Variants in SLC25A21 observed in about 807,000 individuals in gnomAD.
SLC25A21 encodes solute carrier family 25 member 21, also known as mitochondrial 2-oxodicarboxylate carrier.
Under a neutral mutation model 43.8 loss-of-function variants are expected in SLC25A21, and 47 were observed. The observed-to-expected ratio is 1.07, with a 90% CI of 0.85 to 1.37. The LOEUF is 1.37. Among genes scored for constraint, SLC25A21 ranks in the 40% most tolerant of loss-of-function variants. The pLI is 0.00. For missense variants in SLC25A21, 352 were observed against 350.2 expected, an observed-to-expected ratio of 1.00 and a Z score of -0.04; for synonymous variants, 131 against 121.3, an observed-to-expected ratio of 1.08 and a Z score of -0.52.
chr14:36,916,010 A>G (rs1189733055), intron 1 of SLC25A21, among the ~76,000 whole-genome samples: 1 of 152,240 alleles, frequency 6.6e-6, no homozygotes, highest in Non-Finnish European at 1.5e-5. Flanking sequence ...TGGATCCACA[A>G]GGATTTCTGT....
intron 1 of SLC25A21, among the ~76,000 whole-genome samples, chr14:36,918,299 T>G (rs1186314434): frequency 3.3e-5 from 5 of 152,180 alleles, no homozygotes; most frequent in Non-Finnish European, 7.4e-5. Context: ...GACTCATGGG[T>G]CACCCATCCC....
intron 1 of SLC25A21, among the ~76,000 whole-genome samples, chr14:37,036,195 G>T (rs975620844): frequency 3.3e-5 from 5 of 149,754 alleles, no homozygotes; most frequent in African/African-American, 5.1e-5. Flanking sequence ...AAATGCCAGA[G>T]ATTTTTTTTT....
chr14:36,801,301 G>A (rs1887861297), intron 3 of SLC25A21, among the ~76,000 whole-genome samples: 1 of 152,064 alleles, frequency 6.6e-6, no homozygotes, highest in Non-Finnish European at 1.5e-5. Context: ...TGCCTCAAGG[G>A]GAAATTGCAT....
intron 2 of SLC25A21, among the ~76,000 whole-genome samples, chr14:36,859,754 T>G (rs530250704): frequency 1.1e-4 from 17 of 152,322 alleles, no homozygotes; most frequent in African/African-American, 3.8e-4. Context: ...ATGCCCAGAT[T>G]ACTAAGTAGC....
In SLC25A21 at chr14:36,725,606, T is replaced by A. The variant is rs1377556424; in HGVS notation, c.402A>T (p.Lys134Asn). The A allele has an allele frequency of 6.3e-7, 1 of 1,594,860 alleles. No homozygotes were observed. Among genetic ancestry groups the A allele is most frequent in the South Asian group, 1.1e-5 (1 of 87,604 alleles). Residue 134 changes from lysine to asparagine, a missense_variant, in exon 6 of 10, where the codon AAA becomes AAT. Lys to Asn is a moderately conservative substitution (Grantham distance 94). Coordinates refer to ENST00000331299, the MANE Select transcript of SLC25A21 (RefSeq NM_030631.4). ...TGTTCCGATTTGCTTGCAAGCCAAC[T>A]TTTACTACCTCAAAAGGGTTAACTA... ...AIVVNPFEVVKVGLQANRNTF... is the reference protein window; with the variant it reads ...AIVVNPFEVVNVGLQANRNTF...
chr14:36,912,001 C>T (rs1891698093), intron 1 of SLC25A21, among the ~76,000 whole-genome samples: 1 of 152,086 alleles, frequency 6.6e-6, no homozygotes, highest in South Asian at 2.1e-4. Context: ...CTAATTATAA[C>T]TACTTATTTT....
At chr14:36,904,704 G>C (rs1357772678) in intron 1 of SLC25A21, among the ~76,000 whole-genome samples, 3 of 152,194 alleles carry the variant, frequency 2.0e-5, no homozygotes, top group Non-Finnish European at 4.4e-5. Flanking sequence ...GAGAGTGTGA[G>C]TGTGTGGAGG....
chr14:37,093,655 T>C (rs879415407), intron 1 of SLC25A21, among the ~76,000 whole-genome samples: 12 of 152,186 alleles, frequency 7.9e-5, no homozygotes, highest in Admixed American at 5.9e-4. Context: ...CTTTTCAAAA[T>C]ATCCACACCT....
intron 6 of SLC25A21, among the ~76,000 whole-genome samples, chr14:36,716,167 T>C (rs1295595706): frequency 6.6e-6 from 1 of 152,092 alleles, no homozygotes; most frequent in Non-Finnish European, 1.5e-5. Flanking sequence ...AAAAATATCA[T>C]ATGATCACTT....
At chr14:36,894,316 T>A (rs1371946281) in intron 1 of SLC25A21, among the ~76,000 whole-genome samples, 2 of 152,140 alleles carry the variant, frequency 1.3e-5, no homozygotes, top group African/African-American at 4.8e-5. Flanking sequence ...GAATGGGAGT[T>A]CACTCATGAT....
chr14:36,888,542 T>TTA (rs1488580363), intron 1 of SLC25A21, among the ~76,000 whole-genome samples: 4 of 151,844 alleles, frequency 2.6e-5, no homozygotes, highest in Non-Finnish European at 2.9e-5. Context: ...CATATATATG[T>TTA]TATATATATA....
intron 1 of SLC25A21, among the ~76,000 whole-genome samples, chr14:37,027,216 G>C (rs1961111607): frequency 6.6e-6 from 1 of 151,798 alleles, no homozygotes; most frequent in Non-Finnish European, 1.5e-5. Flanking sequence ...TAGCATGTCA[G>C]AGACTTCTAG....
intron 1 of SLC25A21, among the ~76,000 whole-genome samples, chr14:36,918,382 T>C (rs754817823): frequency 1.8e-4 from 27 of 152,164 alleles, no homozygotes; most frequent in Non-Finnish European, 3.2e-4. Flanking sequence ...AATGCTAAAC[T>C]TAAAATGATA....
chr14:36,683,994 A>G, intron 8 of SLC25A21, 114 bp from the exon 9 acceptor site: 1 of 669,122 alleles, frequency 1.5e-6, no homozygotes, highest in Non-Finnish European at 2.5e-6. Flanking sequence ...TTGGAATTAC[A>G]CACATCTCAA....
chr14:36,730,973 G>GTT (rs869254850), intron 4 of SLC25A21, among the ~76,000 whole-genome samples: 2,235 of 80,036 alleles, frequency 0.028, 72 homozygotes, highest in African/African-American at 0.095. Flanking sequence ...ATAATCTTAG[G>GTT]TTTTTTTTTT....
intron 7 of SLC25A21, among the ~76,000 whole-genome samples, chr14:36,708,248 A>C (rs1436548054): frequency 1.3e-5 from 2 of 152,212 alleles, no homozygotes; most frequent in African/African-American, 4.8e-5. Context: ...ATTAATTATA[A>C]AACTATGATG....
chr14:36,702,351 C>A (rs1883310003), intron 7 of SLC25A21, among the ~76,000 whole-genome samples: 1 of 151,322 alleles, frequency 6.6e-6, no homozygotes, highest in African/African-American at 2.4e-5. Flanking sequence ...CAAAAAAGAC[C>A]TTTCTAGCCA....
intron 1 of SLC25A21, among the ~76,000 whole-genome samples, chr14:36,898,517 T>A (rs1361628265): frequency 6.6e-6 from 1 of 152,126 alleles, no homozygotes; most frequent in Admixed American, 6.5e-5. Context: ...TTTGGCTCAC[T>A]CTCAGTGTGC....
At chr14:36,856,588 G>C (rs1354731501) in intron 2 of SLC25A21, among the ~76,000 whole-genome samples, 1 of 152,164 alleles carries the variant, frequency 6.6e-6, no homozygotes, top group Non-Finnish European at 1.5e-5. Flanking sequence ...AGTGGAAAGG[G>C]GGCCACTGGC....
Sources: allele counts gnomAD v4.1 joint callset (sites outside exome capture counted in the v4.1 genomes callset), GRCh38; gene constraint gnomAD v4.1.1; transcripts MANE v1.5; gene names NCBI Gene and HGNC (gene_info 2026-07-23, HGNC 2026-07-21).